The following TFB1M variants were observed in gnomAD, a reference collection of about 807,000 sequenced individuals.
TFB1M encodes dimethyladenosine transferase 1, mitochondrial.
In TFB1M, 27 loss-of-function variants were observed where a neutral mutation model predicts 31.1. The ratio of observed to expected loss-of-function variants is 0.87; its 90% CI spans 0.64 to 1.20. The LOEUF is 1.20. Among genes scored for constraint, TFB1M ranks in the 50% most tolerant of loss-of-function variants. TFB1M has a pLI of 0.00. For synonymous variants in TFB1M, 166 were observed against 151.8 expected, an observed-to-expected ratio of 1.09 and a Z score of -0.69; for missense variants, 394 against 418.7, an observed-to-expected ratio of 0.94 and a Z score of 0.51.
intron 5 of TFB1M, chr6:155,276,061 G>C (rs150441263): frequency 6.2e-7 from 1 of 1,614,028 alleles, no homozygotes; most frequent in Non-Finnish European, 8.5e-7. Context: ...GAGAAACCAA[G>C]AGCCATGCTT....
intron 4 of TFB1M, among the ~76,000 whole-genome samples, chr6:155,295,274 G>A (rs979967962): frequency 1.2e-4 from 19 of 152,022 alleles, no homozygotes; most frequent in Admixed American, 2.6e-4. Context: ...GCTGAGGCAG[G>A]AGAATGGCGT....
Position 155,260,252 on chromosome 6 carries a change from GAGA to G in TFB1M, c.794+18_794+20del. 1 of 1,613,910 alleles carries G rather than the reference GAGA, an allele frequency of 6.2e-7. No homozygotes were observed. The highest frequency in any genetic ancestry group is 8.5e-7 in the Non-Finnish European group (1 of 1,179,774). On this transcript the variant is annotated intron_variant, in intron 6 of 6. Transcript: ENST00000367166. ...GGATTTTATAAAGACTGCAACTGAA[GAGA>G]AGAAAAGGCATTCTTACCTGAGCCC... is the stretch of plus-strand genomic sequence containing the variant.
chr6:155,269,630 T>C, intron 5 of TFB1M, among the ~76,000 whole-genome samples: 1 of 152,210 alleles, frequency 6.6e-6, no homozygotes, highest in African/African-American at 2.4e-5. Flanking sequence ...CCAGTTTTCT[T>C]GTCTATAAAA....
the TFB1M span, among the ~76,000 whole-genome samples, chr6:155,238,136 A>G: frequency 2.0e-5 from 3 of 152,180 alleles, no homozygotes; most frequent in Non-Finnish European, 4.4e-5. Context: ...GATACCTTAA[A>G]TCATCTCTCA....
In TFB1M at chr6:155,258,027, C is replaced by A. The variant is rs773086427; in HGVS notation, c.850G>T (p.Ala284Ser). The A allele has an allele frequency of 3.1e-6, 5 of 1,614,208 alleles. No individual in the cohort carries two copies. The Admixed American group carries it at 8.3e-5, about 27-fold the overall frequency. Residue 284 changes from alanine (A) to serine (S), a missense_variant, in exon 7 of 7, where the codon GCA becomes TCA. By Grantham distance (99) the Ala-to-Ser change is moderately conservative (BLOSUM62 1). This residue lies in a region of TFB1M where 115 missense variants were observed against 144.1 expected (regional missense o/e 0.80). Transcript: ENST00000367166. The stretch of plus-strand genomic sequence containing the variant: ...GGCCGAAGAGTAGGGTCTATGTCTG[C>A]CAACTCTAACAGCCTGCCCGTGCTT... The part of the protein sequence containing the change: ...LESTGRLLEL[A>S]DIDPTLRPRQ...
rs147407952 is a variant in TFB1M at position 155,295,222 on chromosome 6, C to T, written c.546+1731G>A. Among the ~76,000 whole-genome samples, 1,061 of 151,798 alleles carry T rather than the reference C, an allele frequency of 7.0e-3. 22 individuals carry two copies. The highest frequency in any genetic ancestry group is 0.024 in the African/African-American group (987 of 41,384). ...TCTACTAAAAATACAAAAAATTAGC[C>T]GGGCGTGGTGGCGGGCGCCTGTAGT... is the stretch of plus-strand genomic sequence containing the variant. On this transcript the variant is annotated intron_variant, in intron 4 of 6. Coordinates refer to ENST00000367166, the MANE Select transcript of TFB1M (RefSeq NM_016020.4).
At chr6:155,240,582 A>G in the TFB1M span, 4 of 1,614,160 alleles carry the variant, frequency 2.5e-6, no homozygotes, top group East Asian at 2.2e-5. Flanking sequence ...AGTCAGGCCA[A>G]CGGCATGGAA....
downstream of TFB1M, chr6:155,254,792 C>A: frequency 1.8e-6 from 1 of 547,128 alleles, no homozygotes; most frequent in Non-Finnish European, 3.2e-6. Flanking sequence ...TACCCGCTGA[C>A]ATAGTCCAAA....
At chr6:155,282,143 A>C (rs988725262) in intron 5 of TFB1M, among the ~76,000 whole-genome samples, 1 of 152,236 alleles carries the variant, frequency 6.6e-6, no homozygotes, top group Non-Finnish European at 1.5e-5. Context: ...TACAGACTCT[A>C]ATAGTTTAAG....
At chr6:155,301,626 A>C (rs1287605283) in intron 2 of TFB1M, among the ~76,000 whole-genome samples, 1 of 152,220 alleles carries the variant, frequency 6.6e-6, no homozygotes, top group Non-Finnish European at 1.5e-5. Context: ...AGACACTCTC[A>C]AACTCTTCTT....
intron 5 of TFB1M, among the ~76,000 whole-genome samples, chr6:155,267,093 G>A (rs1441176475): frequency 1.3e-5 from 2 of 151,016 alleles, no homozygotes; most frequent in African/African-American, 4.9e-5. Flanking sequence ...TCGTGTCTCA[G>A]CCTCCTGAGT....
chr6:155,248,151 G>A, the TFB1M span: 13 of 1,613,868 alleles, frequency 8.1e-6, no homozygotes, highest in Non-Finnish European at 1.1e-5. Context: ...TGACGGACCA[G>A]GAGAGCGAGG....
chr6:155,290,725 A>G (rs1182072700), intron 4 of TFB1M, among the ~76,000 whole-genome samples: 2 of 152,196 alleles, frequency 1.3e-5, no homozygotes, highest in African/African-American at 4.8e-5. Flanking sequence ...CCACACAAAT[A>G]GAGTACATAG....
the TFB1M span, among the ~76,000 whole-genome samples, chr6:155,242,796 C>T: frequency 6.6e-6 from 1 of 152,108 alleles, no homozygotes; most frequent in African/African-American, 2.4e-5. Context: ...AGTGCAGTGG[C>T]ATGATCTTGG....
At chr6:155,267,545 T>C (rs1312398630) in intron 5 of TFB1M, among the ~76,000 whole-genome samples, 1 of 152,224 alleles carries the variant, frequency 6.6e-6, no homozygotes, top group Non-Finnish European at 1.5e-5. Flanking sequence ...GGACAAGCTC[T>C]GATTGGTGAG....
chr6:155,246,515 T>C, the TFB1M span, among the ~76,000 whole-genome samples: 1 of 152,164 alleles, frequency 6.6e-6, no homozygotes, highest in Non-Finnish European at 1.5e-5. Flanking sequence ...TGTAAAAATG[T>C]TCGTAGAAAT....
At chr6:155,263,410 C>T (rs540383771) in intron 5 of TFB1M, among the ~76,000 whole-genome samples, 43 of 152,260 alleles carry the variant, frequency 2.8e-4, no homozygotes, top group African/African-American at 9.4e-4. Context: ...CCAAAATGAC[C>T]TACTAAAATT....
intron 5 of TFB1M, among the ~76,000 whole-genome samples, chr6:155,274,255 C>A (rs189495536): frequency 6.6e-6 from 1 of 152,272 alleles, no homozygotes; most frequent in East Asian, 1.9e-4. Context: ...GTCAGTACTG[C>A]AGTATTTCAG....
At chr6:155,291,848 T>C (rs546192635) in intron 4 of TFB1M, among the ~76,000 whole-genome samples, 71 of 152,292 alleles carry the variant, frequency 4.7e-4, no homozygotes, top group African/African-American at 1.5e-3. Flanking sequence ...AAGAGAGGGA[T>C]AGATCTAAGA....
Sources: allele counts gnomAD v4.1 joint callset (sites outside exome capture counted in the v4.1 genomes callset), GRCh38; gene constraint gnomAD v4.1.1; regional missense constraint gnomAD v4.1.1; transcripts MANE v1.5; gene names NCBI Gene and HGNC (gene_info 2026-07-23, HGNC 2026-07-21).